DISC1: variants seen among roughly 807,000 people sequenced by gnomAD.
DISC1 encodes the protein disrupted in schizophrenia 1 protein.
A neutral mutation model predicts 84.5 loss-of-function variants in DISC1; 57 were observed. The observed-to-expected ratio is 0.67, with a 90% CI of 0.55 to 0.84. DISC1 has a LOEUF of 0.84. Ranked by LOEUF, DISC1 falls within the 40% of genes least tolerant of loss-of-function variation. DISC1 has a pLI of 0.00. For missense variants in DISC1, 1,000 were observed against 1,057.8 expected, an observed-to-expected ratio of 0.95 and a Z score of 0.76; for synonymous variants, 411 against 415.2, an observed-to-expected ratio of 0.99 and a Z score of 0.12.
intron 9 of DISC1, among the ~76,000 whole-genome samples, chr1:231,829,354 G>A (rs573171569): frequency 1.6e-4 from 24 of 152,118 alleles, no homozygotes; most frequent in Admixed American, 1.2e-3. Flanking sequence ...CATTCAACTT[G>A]TTTTTTTGTG....
chr1:231,655,853 A>G (rs541803503), intron 1 of DISC1, among the ~76,000 whole-genome samples: 1 of 152,122 alleles, frequency 6.6e-6, no homozygotes, highest in Non-Finnish European at 1.5e-5. Context: ...ATGATTAGTG[A>G]TGGTGAGCAG....
chr1:231,707,702 G>A (rs926441402), intron 3 of DISC1, among the ~76,000 whole-genome samples: 1 of 144,038 alleles, frequency 6.9e-6, no homozygotes, highest in African/African-American at 2.5e-5. Context: ...TGCATTTTAT[G>A]TTTCCTCTTT....
intron 3 of DISC1, among the ~76,000 whole-genome samples, chr1:231,704,570 C>G (rs1269498035): frequency 6.6e-6 from 1 of 151,916 alleles, no homozygotes; most frequent in African/African-American, 2.4e-5. Flanking sequence ...TCCTGGCTAA[C>G]GCAGTGAAAC....
intron 10 of DISC1, among the ~76,000 whole-genome samples, chr1:231,991,277 G>A (rs1255404139): frequency 1.3e-5 from 2 of 152,230 alleles, no homozygotes; most frequent in African/African-American, 4.8e-5. Flanking sequence ...TATGTTCTGA[G>A]AAGTAGGAAG....
At chr1:231,858,834 A>G (rs968171567) in intron 9 of DISC1, among the ~76,000 whole-genome samples, 26 of 152,314 alleles carry the variant, frequency 1.7e-4, no homozygotes, top group African/African-American at 6.3e-4. Context: ...TATCTGGGGA[A>G]AGTAGAAACC....
rs1312713986 is a variant in DISC1, at chr1:232,038,299, T to C, written c.*1468T>C. The C allele has an allele frequency of 2.6e-5, 4 of 152,178 alleles. No individual in the cohort carries two copies. The highest frequency in any genetic ancestry group is 9.7e-5 in the African/African-American group (4 of 41,440). 9.4% of individuals were successfully genotyped at this position (152,178 alleles called of 1,614,324 possible). A position where few individuals can be genotyped will look rare whatever the true frequency, so the allele number is the denominator to read the frequency against. ...TTTCAGGCTCCTGCTGGGCTGCTTC[T>C]TTGGCCCAGCTGGGACTCCTATTGA... On this transcript the variant is annotated 3_prime_UTR_variant, in exon 13 of 13. Transcript: ENST00000439617.
intron 6 of DISC1, among the ~76,000 whole-genome samples, chr1:231,794,658 C>A (rs895925308): frequency 1.3e-5 from 2 of 151,804 alleles, no homozygotes; most frequent in African/African-American, 4.8e-5. Context: ...AACTTAAGTT[C>A]CAGTGGGAGA....
At chr1:231,721,167 GGAA>G in intron 3 of DISC1, 1 of 1,173,922 alleles carries the variant, frequency 8.5e-7, no homozygotes, top group South Asian at 1.4e-5. Context: ...AAGAAACAGA[GGAA>G]ATAATACATA....
In DISC1 at chr1:232,040,932, T is replaced by A. The variant is rs1670758745; in HGVS notation, c.*4101T>A. 1 of 152,258 alleles carries A rather than the reference T, an allele frequency of 6.6e-6. No homozygotes were observed. Among genetic ancestry groups the A allele is most frequent in the South Asian group, 2.1e-4 (1 of 4,834 alleles). 9.4% of individuals were successfully genotyped at this position (152,258 alleles called of 1,614,324 possible). A position where few individuals can be genotyped will look rare whatever the true frequency, so the allele number is the denominator to read the frequency against. On this transcript the variant is annotated 3_prime_UTR_variant, in exon 13 of 13. Transcript: ENST00000439617. ...TCATCCAATTGGTGTTTTTCAGAAG[T>A]GTTCCAATATTATGAATTCTGTGTT...
At chr1:231,795,700 C>A (rs972085054) in intron 7 of DISC1, among the ~76,000 whole-genome samples, 5 of 152,102 alleles carry the variant, frequency 3.3e-5, no homozygotes, top group Non-Finnish European at 5.9e-5. Context: ...ACCAGCCTGA[C>A]CAACATTGTG....
In DISC1 at chr1:231,897,695, G is replaced by T. The variant is rs1426596992; in HGVS notation, c.1982-61133G>T. ...CACCGTGTGCTGTTGTAGTAACAGGGCCTCCTGGTGCATTGAAACACCTGG... is the reference window on the plus strand; with the variant it reads ...CACCGTGTGCTGTTGTAGTAACAGGTCCTCCTGGTGCATTGAAACACCTGG... On this transcript the variant is annotated intron_variant, in intron 9 of 12. Coordinates refer to ENST00000439617, the MANE Select transcript of DISC1 (RefSeq NM_018662.3). This position sits in a 1 kb window ranked among gnomAD's most constrained non-coding sequence, Gnocchi z 4.5. 6.6e-6 allele frequency among the ~76,000 whole-genome samples: 1 copy of T among 152,124 alleles called. No homozygotes were observed. The highest frequency in any genetic ancestry group is 2.4e-5 in the African/African-American group (1 of 41,410).
intron 8 of DISC1, among the ~76,000 whole-genome samples, chr1:231,805,508 G>A (rs185828538): frequency 2.6e-5 from 4 of 152,186 alleles, no homozygotes; most frequent in Admixed American, 6.5e-5. Flanking sequence ...GAGGTGCCAC[G>A]CACTTTTAAG....
At chr1:231,773,323 G>A (rs1434263020) in intron 6 of DISC1, among the ~76,000 whole-genome samples, 5 of 152,180 alleles carry the variant, frequency 3.3e-5, no homozygotes, top group Admixed American at 3.3e-4. Context: ...TCACAGAGAA[G>A]GCATGAATGT....
intron 9 of DISC1, among the ~76,000 whole-genome samples, chr1:231,925,085 GTT>G (rs2126090219): frequency 6.6e-6 from 1 of 151,924 alleles, no homozygotes; most frequent in Non-Finnish European, 1.5e-5. Context: ...AGAGGTTCGT[GTT>G]TATGGTGCTA....
In DISC1 at chr1:231,829,019, C is replaced by G. The variant is rs928569872; in HGVS notation, c.1981+10502C>G. Among the ~76,000 whole-genome samples, 3 of 152,054 alleles carry G rather than the reference C, an allele frequency of 2.0e-5. No homozygotes were observed. The South Asian group carries it at 6.2e-4, about 32-fold the overall frequency. ...TGTCCCTGGTTGCATTATAATATTCCAATTTATTATTTTTTATGTACATAA... is the reference window on the plus strand; with the variant it reads ...TGTCCCTGGTTGCATTATAATATTCGAATTTATTATTTTTTATGTACATAA... On this transcript the variant is annotated intron_variant, in intron 9 of 12. Transcript: ENST00000439617.
At chr1:231,984,671 A>T (rs1419451263) in intron 10 of DISC1, among the ~76,000 whole-genome samples, 3 of 152,186 alleles carry the variant, frequency 2.0e-5, no homozygotes, top group Non-Finnish European at 4.4e-5. Flanking sequence ...CTGGGACATG[A>T]TAAGGACATT....
chr1:231,695,528 T>A (rs1442277012), intron 2 of DISC1, among the ~76,000 whole-genome samples: 2 of 152,154 alleles, frequency 1.3e-5, no homozygotes, highest in Non-Finnish European at 2.9e-5. Context: ...AGAGATGCTC[T>A]GTGGCTCATC....
intron 1 of DISC1, among the ~76,000 whole-genome samples, chr1:231,665,522 A>G (rs1355466050): frequency 6.6e-6 from 1 of 152,272 alleles, no homozygotes; most frequent in Non-Finnish European, 1.5e-5. Context: ...TAAGCAGACA[A>G]TGTAAACTTA....
chr1:231,726,022 C>T (rs2070636895), intron 3 of DISC1, among the ~76,000 whole-genome samples: 1 of 152,140 alleles, frequency 6.6e-6, no homozygotes. Flanking sequence ...CTTGCAGTCT[C>T]TTTGGAGCTG....
Sources: allele counts gnomAD v4.1 joint callset (sites outside exome capture counted in the v4.1 genomes callset), GRCh38; gene constraint gnomAD v4.1.1; non-coding constraint Gnocchi (gnomAD v3.1); transcripts MANE v1.5; gene names NCBI Gene and HGNC (gene_info 2026-07-23, HGNC 2026-07-21).